Variants in CIDEA observed in about 807,000 individuals in gnomAD.
CIDEA encodes lipid transferase CIDEA.
Under a neutral mutation model 18.2 loss-of-function variants are expected in CIDEA, and 10 were observed. The observed-to-expected ratio is 0.55, with a 90% CI of 0.34 to 0.93. The LOEUF is 0.93. CIDEA is among the 40% of genes least tolerant of loss of function. The pLI is 0.02. For synonymous variants in CIDEA, 128 were observed against 124.8 expected, an observed-to-expected ratio of 1.03 and a Z score of -0.17; for missense variants, 309 against 293.1, an observed-to-expected ratio of 1.05 and a Z score of -0.40.
At chr18:12,254,740 A>G in intron 1 of CIDEA, 2 of 1,443,856 alleles carry the variant, frequency 1.4e-6, no homozygotes, top group South Asian at 1.2e-5. Context: ...GAGTGGCTGC[A>G]TGCATCTCTG....
At chr18:12,258,390 G>A (rs1486581811) in intron 1 of CIDEA, among the ~76,000 whole-genome samples, 1 of 152,324 alleles carries the variant, frequency 6.6e-6, no homozygotes, top group East Asian at 1.9e-4. Flanking sequence ...GACCACTGGG[G>A]CTGGACCTAG....
chr18:12,272,050 T>G (rs1309856762), intron 3 of CIDEA, among the ~76,000 whole-genome samples: 2 of 149,780 alleles, frequency 1.3e-5, no homozygotes, highest in East Asian at 4.0e-4. Context: ...GATGCCAGGA[T>G]CTGAGCTTTC....
At position 12,270,688 on chromosome 18, in the gene CIDEA, C is replaced by CAAAAAAAAAAAAAAA. The variant is rs68102741; in HGVS notation, c.331-3391_331-3377dup. On this transcript the variant is annotated intron_variant, in intron 3 of 4. Transcript: ENST00000320477. ...GGCGACAGAGCAAGACTCCGTCTCACAAAAAAAAAAAAAAAAAAAAAAAAA... is the reference window on the plus strand; with the variant it reads ...GGCGACAGAGCAAGACTCCGTCTCACAAAAAAAAAAAAAAAAAAAAAAAAAAAAAAAAAAAAAAAA... Among the ~76,000 whole-genome samples the CAAAAAAAAAAAAAAA allele has an allele frequency of 8.0e-4, 58 of 72,800 alleles. 7 individuals carry two copies. Among genetic ancestry groups the CAAAAAAAAAAAAAAA allele is most frequent in the African/African-American group, 4.4e-3 (53 of 11,924 alleles). 47.8% of individuals were successfully genotyped at this position (72,800 alleles called of 152,430 possible). A position where few individuals can be genotyped will look rare whatever the true frequency, so the allele number is the denominator to read the frequency against.
intron 4 of CIDEA, among the ~76,000 whole-genome samples, chr18:12,275,348 T>C (rs1888431015): frequency 6.6e-6 from 1 of 151,992 alleles, no homozygotes; most frequent in Non-Finnish European, 1.5e-5. Context: ...GTCTCAAAAA[T>C]AAATAAATAA....
At chr18:12,266,381 G>T (rs143888952) in intron 3 of CIDEA, among the ~76,000 whole-genome samples, 6 of 152,240 alleles carry the variant, frequency 3.9e-5, no homozygotes, top group Non-Finnish European at 8.8e-5. Flanking sequence ...CTTGCTCCTG[G>T]GAGGTCAAGG....
At chr18:12,273,114 C>T (rs886278046) in intron 3 of CIDEA, among the ~76,000 whole-genome samples, 3 of 152,168 alleles carry the variant, frequency 2.0e-5, no homozygotes, top group Non-Finnish European at 4.4e-5. Flanking sequence ...ACAACTGGAA[C>T]CACAGGTGGG....
At chr18:12,269,157 A>G (rs1452262266) in intron 3 of CIDEA, among the ~76,000 whole-genome samples, 1 of 152,154 alleles carries the variant, frequency 6.6e-6, no homozygotes, top group Non-Finnish European at 1.5e-5. Context: ...AAAAGTGACT[A>G]TTTTCCAAAA....
chr18:12,254,475 G>A (rs779269760), intron 1 of CIDEA, 54 bp downstream of exon 1: 6 of 1,579,496 alleles, frequency 3.8e-6, no homozygotes, highest in Admixed American at 1.8e-5. Context: ...CCTTGCGTTC[G>A]GTGGCCTCAT....
intron 3 of CIDEA, among the ~76,000 whole-genome samples, chr18:12,273,818 G>C (rs997025072): frequency 6.6e-6 from 1 of 152,120 alleles, no homozygotes; most frequent in African/African-American, 2.4e-5. Flanking sequence ...ACTGAGCAAC[G>C]GGGTCCTAAA....
intron 1 of CIDEA, among the ~76,000 whole-genome samples, chr18:12,260,175 TTTTGTTTGTTTGTTTGTTTGTTTG>T (rs144412869): frequency 4.6e-5 from 7 of 150,844 alleles, no homozygotes; most frequent in Non-Finnish European, 8.8e-5. Flanking sequence ...TTGGTCTGTT[TTTTGTTTGTTTGTTTGTTTGTTTG>T]TTTGTTTGTT....
intron 1 of CIDEA, among the ~76,000 whole-genome samples, chr18:12,260,033 T>A (rs944394406): frequency 6.6e-6 from 1 of 152,184 alleles, no homozygotes; most frequent in African/African-American, 2.4e-5. Context: ...AGAACGACAC[T>A]TTGTTGGTGA....
intron 3 of CIDEA, among the ~76,000 whole-genome samples, chr18:12,271,316 G>A (rs1026334854): frequency 2.6e-5 from 4 of 152,202 alleles, no homozygotes; most frequent in African/African-American, 9.6e-5. Context: ...TCTTCACAAG[G>A]GTCCTTATGA....
At chr18:12,276,382 T>A (rs1259795890) in intron 4 of CIDEA, among the ~76,000 whole-genome samples, 2 of 152,116 alleles carry the variant, frequency 1.3e-5, no homozygotes, top group Non-Finnish European at 2.9e-5. Context: ...AGCTTCCAAC[T>A]CTTGGACTCA....
intron 2 of CIDEA, among the ~76,000 whole-genome samples, chr18:12,263,233 C>A (rs977549694): frequency 6.6e-6 from 1 of 152,226 alleles, no homozygotes; most frequent in African/African-American, 2.4e-5. Context: ...CCCACCTCAA[C>A]CTCCCAAGTG....
intron 1 of CIDEA, among the ~76,000 whole-genome samples, chr18:12,255,947 G>A (rs929845930): frequency 6.6e-6 from 1 of 152,200 alleles, no homozygotes; most frequent in Non-Finnish European, 1.5e-5. Flanking sequence ...AGGAGTGAAT[G>A]ACTCTACCTG....
intron 3 of CIDEA, among the ~76,000 whole-genome samples, chr18:12,265,472 C>T (rs12969883): frequency 0.1 from 15,402 of 152,194 alleles, 1,110 homozygotes; most frequent in African/African-American, 0.18. Flanking sequence ...GACACAAAGT[C>T]AAGGGGTGAG....
At chr18:12,267,989 G>A (rs1912398541) in intron 3 of CIDEA, among the ~76,000 whole-genome samples, 3 of 152,270 alleles carry the variant, frequency 2.0e-5, no homozygotes, top group African/African-American at 7.2e-5. Context: ...AGCCTCCAAT[G>A]TCGTTAGTGT....
intron 1 of CIDEA, among the ~76,000 whole-genome samples, chr18:12,256,073 T>C (rs1477320026): frequency 6.6e-6 from 1 of 152,244 alleles, no homozygotes; most frequent in Non-Finnish European, 1.5e-5. Context: ...CTGTGAAATC[T>C]ACCTGCTCCC....
At position 12,270,450 on chromosome 18, in the gene CIDEA, G is replaced by A. The variant is rs148662840; in HGVS notation, c.331-3643G>A. ...TCACACCTGTAATCCCAGCACTTTGGGAGGCCAAGGTGGGTGGATCACAAG... is the reference window on the plus strand; with the variant it reads ...TCACACCTGTAATCCCAGCACTTTGAGAGGCCAAGGTGGGTGGATCACAAG... On this transcript the variant is annotated intron_variant, in intron 3 of 4. Coordinates refer to ENST00000320477, the MANE Select transcript of CIDEA (RefSeq NM_001279.4). Among the ~76,000 whole-genome samples, 1,218 of 152,200 alleles carry A rather than the reference G, an allele frequency of 8.0e-3. 16 individuals are homozygous for A. The highest frequency in any genetic ancestry group is 0.027 in the African/African-American group (1,141 of 41,510).
Sources: gnomAD v4.1 joint callset for allele counts (sites outside exome capture counted in the v4.1 genomes callset) on GRCh38, gnomAD v4.1.1 for gene constraint, MANE v1.5 for transcripts, NCBI Gene and HGNC (gene_info 2026-07-23, HGNC 2026-07-21) for gene names.